The following FAM171A1 variants were observed in gnomAD, a reference collection of about 807,000 sequenced individuals.
FAM171A1 encodes protein FAM171A1.
Under a neutral mutation model 74.9 loss-of-function variants are expected in FAM171A1, and 23 were observed. The ratio of observed to expected loss-of-function variants is 0.31; its 90% confidence interval spans 0.22 to 0.44. The LOEUF (loss-of-function observed/expected upper bound fraction) is 0.44, where lower values mean the gene tolerates loss of function less well. FAM171A1 is among the 20% of genes least tolerant of loss of function. The probability of loss-of-function intolerance (pLI) is 1.00; values close to 1 mark genes in which losing one functional copy is unlikely to be tolerated. For synonymous variants in FAM171A1, 527 were observed against 505.7 expected, an observed-to-expected ratio of 1.04 and a Z score of -0.57; for missense variants, 1,162 against 1,159.2, an observed-to-expected ratio of 1.00 and a Z score of -0.03.
intron 1 of FAM171A1, among the ~76,000 whole-genome samples, chr10:15,331,978 C>A (rs1027732824): frequency 4.7e-5 from 7 of 150,496 alleles, no homozygotes; most frequent in Non-Finnish European, 7.4e-5. Flanking sequence ...TAGACAGAGT[C>A]TTGCTCTGTT....
intron 1 of FAM171A1, among the ~76,000 whole-genome samples, 192 bp downstream of exon 1, chr10:15,370,759 GTCACC>G (rs1306769542): frequency 6.8e-6 from 1 of 148,008 alleles, no homozygotes; most frequent in African/African-American, 2.5e-5. Flanking sequence ...CTCCGCCCGG[GTCACC>G]CCGCGTCGCC....
intron 4 of FAM171A1, among the ~76,000 whole-genome samples, chr10:15,251,642 C>T (rs1234317847): frequency 6.6e-6 from 1 of 151,816 alleles, no homozygotes; most frequent in Non-Finnish European, 1.5e-5. Context: ...CCTGACCTCC[C>T]TCCCAGTGAT....
At chr10:15,330,228 G>C (rs1835611293) in intron 1 of FAM171A1, among the ~76,000 whole-genome samples, 1 of 152,102 alleles carries the variant, frequency 6.6e-6, no homozygotes, top group South Asian at 2.1e-4. Context: ...TGTAATCCCA[G>C]CTACTAGGGA....
intron 1 of FAM171A1, among the ~76,000 whole-genome samples, chr10:15,305,495 C>A (rs955643356): frequency 1.3e-5 from 2 of 151,668 alleles, no homozygotes; most frequent in Admixed American, 1.3e-4. Flanking sequence ...TGGGTGAGAC[C>A]CATCTTTACA....
chr10:15,242,108 T>A (rs1834371216), intron 5 of FAM171A1, among the ~76,000 whole-genome samples: 1 of 152,222 alleles, frequency 6.6e-6, no homozygotes, highest in Non-Finnish European at 1.5e-5. Context: ...AGATGATCGA[T>A]TACTGTAATC....
chr10:15,289,148 G>T (rs1340362926), intron 1 of FAM171A1, among the ~76,000 whole-genome samples: 1 of 152,076 alleles, frequency 6.6e-6, no homozygotes, highest in African/African-American at 2.4e-5. Context: ...ACAGCCCACA[G>T]GGGCATCATC....
intron 1 of FAM171A1, among the ~76,000 whole-genome samples, chr10:15,312,673 G>GTTTGTTTTTTTTTTTTTTTTTTTTTT (rs1564274246): frequency 5.5e-5 from 2 of 36,382 alleles, no homozygotes; most frequent in African/African-American, 1.2e-4. Flanking sequence ...AGCACTGTGT[G>GTTTGTTTTTTTTTTTTTTTTTTTTTT]TTTTTTTTTT....
chr10:15,323,224 G>A (rs531969265), intron 1 of FAM171A1, among the ~76,000 whole-genome samples: 1 of 152,032 alleles, frequency 6.6e-6, no homozygotes, highest in East Asian at 1.9e-4. Context: ...GGAGGTTGAG[G>A]CAGGTGGATC....
intron 1 of FAM171A1, among the ~76,000 whole-genome samples, chr10:15,287,646 A>G (rs998308926): frequency 2.6e-5 from 4 of 152,168 alleles, no homozygotes; most frequent in South Asian, 2.1e-4. Flanking sequence ...TTGGCCTCCC[A>G]AAGTGCTGGG....
intron 1 of FAM171A1, among the ~76,000 whole-genome samples, chr10:15,302,604 C>G (rs1295436914): frequency 6.6e-6 from 1 of 150,490 alleles, no homozygotes; most frequent in Non-Finnish European, 1.5e-5. Flanking sequence ...GTTTTCCTCT[C>G]CAAGCATTAG....
intron 1 of FAM171A1, among the ~76,000 whole-genome samples, chr10:15,298,797 C>T (rs891773582): frequency 6.6e-6 from 1 of 152,060 alleles, no homozygotes; most frequent in Non-Finnish European, 1.5e-5. Flanking sequence ...TCATACAATA[C>T]CCTGCTCCAC....
intron 5 of FAM171A1, among the ~76,000 whole-genome samples, chr10:15,232,148 T>C (rs1224857105): frequency 1.3e-5 from 2 of 152,158 alleles, no homozygotes; most frequent in Non-Finnish European, 2.9e-5. Flanking sequence ...TGTCCTTGCC[T>C]AGAGGGATGT....
chr10:15,362,703 G>A lies in FAM171A1; in HGVS notation c.97+8253C>T, dbSNP rs189791704. On this transcript the variant is annotated intron_variant, in intron 1 of 7. Transcript: ENST00000378116. ...GGTGCCACTGCACTCCAGCCTAGGCGACAGAGCGAGACTCTGTCTCAAAAA... is the reference window on the plus strand; with the variant it reads ...GGTGCCACTGCACTCCAGCCTAGGCAACAGAGCGAGACTCTGTCTCAAAAA... 2.6e-3 allele frequency among the ~76,000 whole-genome samples: 392 copies of A among 152,334 alleles called. 3 individuals carry two copies. Among genetic ancestry groups the A allele is most frequent in the African/African-American group, 8.9e-3 (369 of 41,578 alleles).
At chr10:15,300,219 T>C (rs1488275628) in intron 1 of FAM171A1, among the ~76,000 whole-genome samples, 6 of 152,186 alleles carry the variant, frequency 3.9e-5, no homozygotes, top group African/African-American at 1.4e-4. Context: ...CTGTTTCAGA[T>C]GAAGCTGAAA....
intron 1 of FAM171A1, among the ~76,000 whole-genome samples, chr10:15,369,199 T>TTATATATATATTGAATA (rs1836102229): frequency 6.8e-6 from 1 of 147,518 alleles, no homozygotes; most frequent in African/African-American, 2.5e-5. Flanking sequence ...CCTAAACCTG[T>TTATATATATATTGAATA]TATATATATA....
chr10:15,270,893 G>C (rs1040223413), intron 3 of FAM171A1, among the ~76,000 whole-genome samples: 1 of 152,148 alleles, frequency 6.6e-6, no homozygotes, highest in Non-Finnish European at 1.5e-5. Flanking sequence ...CATCATCAAA[G>C]ACCAAAGGTA....
At chr10:15,306,073 C>T (rs189311621) in intron 1 of FAM171A1, among the ~76,000 whole-genome samples, 19 of 152,322 alleles carry the variant, frequency 1.2e-4, no homozygotes, top group African/African-American at 3.6e-4. Context: ...CCATGGATAA[C>T]ATGATAAATG....
chr10:15,308,498 C>T (rs2131835068), intron 1 of FAM171A1, among the ~76,000 whole-genome samples: 1 of 152,212 alleles, frequency 6.6e-6, no homozygotes. Flanking sequence ...GAGTCTTGCT[C>T]CATTGCCCAG....
chr10:15,301,405 G>A (rs1041015123), intron 1 of FAM171A1, among the ~76,000 whole-genome samples: 21 of 148,188 alleles, frequency 1.4e-4, no homozygotes, highest in African/African-American at 2.5e-4. Flanking sequence ...GTTTCACCAC[G>A]TTGGCCAGCC....
Sources: gnomAD v4.1 joint callset for allele counts (sites outside exome capture counted in the v4.1 genomes callset) on GRCh38, gnomAD v4.1.1 for gene constraint, MANE v1.5 for transcripts, NCBI Gene and HGNC (gene_info 2026-07-23, HGNC 2026-07-21) for gene names.